The following SNX25 variants were observed in gnomAD, a reference collection of about 807,000 sequenced individuals.
SNX25 encodes sorting nexin-25.
SNX25 carries 62 observed loss-of-function variants against 113.7 expected under a neutral mutation model. The ratio of observed to expected loss-of-function variants is 0.55; its 90% CI spans 0.44 to 0.67. The LOEUF is 0.67. Ranked by LOEUF, SNX25 falls within the 30% of genes least tolerant of loss-of-function variation. SNX25 has a pLI of 0.00. For synonymous variants in SNX25, 421 were observed against 436.2 expected, an observed-to-expected ratio of 0.97 and a Z score of 0.43; for missense variants, 1,014 against 1,161.0, an observed-to-expected ratio of 0.87 and a Z score of 1.84.
chr4:185,303,284 A>C (rs1319354574), intron 6 of SNX25, among the ~76,000 whole-genome samples: 6 of 152,138 alleles, frequency 3.9e-5, no homozygotes, highest in Non-Finnish European at 5.9e-5. Flanking sequence ...TTTAATTGCT[A>C]TATTATTCCT....
intron 6 of SNX25, among the ~76,000 whole-genome samples, chr4:185,309,306 C>T (rs2126661215): frequency 1.3e-5 from 2 of 152,266 alleles, no homozygotes; most frequent in South Asian, 4.1e-4. Flanking sequence ...TATGATCTAG[C>T]CTTGGAAGTC....
intron 9 of SNX25, among the ~76,000 whole-genome samples, chr4:185,327,618 T>C (rs187205319): frequency 8.1e-4 from 124 of 152,294 alleles, no homozygotes; most frequent in Middle Eastern, 3.4e-3. Flanking sequence ...CCAGGCCTTA[T>C]CTGTTTTTGT....
intron 1 of SNX25, among the ~76,000 whole-genome samples, chr4:185,247,004 T>G (rs537485927): frequency 2.0e-5 from 3 of 152,344 alleles, no homozygotes; most frequent in Non-Finnish European, 4.4e-5. Flanking sequence ...GTTCTTAATT[T>G]GCACATATAT....
At chr4:185,233,157 G>A (rs1742111171) in intron 1 of SNX25, among the ~76,000 whole-genome samples, 1 of 152,028 alleles carries the variant, frequency 6.6e-6, no homozygotes, top group Non-Finnish European at 1.5e-5. Context: ...GGTGGCACAT[G>A]CCTGTAGTCC....
intron 5 of SNX25, among the ~76,000 whole-genome samples, chr4:185,268,781 CAT>C (rs1328809150): frequency 2.0e-5 from 3 of 152,102 alleles, no homozygotes; most frequent in Non-Finnish European, 2.9e-5. Flanking sequence ...TACATGGTGT[CAT>C]GTGTTAATCT....
intron 3 of SNX25, among the ~76,000 whole-genome samples, chr4:185,261,388 G>A (rs542668898): frequency 3.7e-4 from 57 of 152,160 alleles, no homozygotes; most frequent in Non-Finnish European, 7.8e-4. Flanking sequence ...TGTTGGCCAG[G>A]CTGGTCTCGA....
chr4:185,361,991 C>T lies in SNX25; in HGVS notation c.2719C>T (p.Arg907Trp), dbSNP rs376718955. 1.2e-5 allele frequency: 20 copies of T among 1,613,744 alleles called. No homozygotes were observed. The highest frequency in any genetic ancestry group is 6.7e-5 in the East Asian group (3 of 44,884). ...GTTGGTTTACTACATCAATATTTTCCGGGATGCTTTTTGGCCAAATGGGAA... is the reference window on the plus strand; with the variant it reads ...GTTGGTTTACTACATCAATATTTTCTGGGATGCTTTTTGGCCAAATGGGAA... ...QMLVYYINIF[R>W]DAFWPNGKLA... The change falls in exon 17 of 19, where the codon CGG becomes TGG. Residue 907 changes from arginine to tryptophan, a missense_variant. Transcript: ENST00000652585.
chr4:185,347,970 A>AT (rs1476293695), intron 13 of SNX25, among the ~76,000 whole-genome samples: 7 of 151,830 alleles, frequency 4.6e-5, no homozygotes, highest in Admixed American at 1.3e-4. Context: ...CCACTTTATC[A>AT]TTTTTTTTAT....
chr4:185,241,083 G>C (rs1172560319), intron 1 of SNX25, among the ~76,000 whole-genome samples: 1 of 151,678 alleles, frequency 6.6e-6, no homozygotes, highest in African/African-American at 2.4e-5. Context: ...GGTGGCGGCC[G>C]GGCAGAGGCT....
chr4:185,288,911 T>A (rs1177999692), intron 6 of SNX25, among the ~76,000 whole-genome samples: 1 of 152,116 alleles, frequency 6.6e-6, no homozygotes, highest in Non-Finnish European at 1.5e-5. Context: ...TGCTCAAGTC[T>A]CCGCCAAGGA....
At chr4:185,250,756 G>A (rs1745513148) in intron 2 of SNX25, among the ~76,000 whole-genome samples, 1 of 151,502 alleles carries the variant, frequency 6.6e-6, no homozygotes, top group Admixed American at 6.6e-5. Context: ...GGGTGGGATG[G>A]GGGTGTTATT....
intron 16 of SNX25, among the ~76,000 whole-genome samples, chr4:185,361,225 G>A (rs1342921987): frequency 6.6e-6 from 1 of 152,118 alleles, no homozygotes; most frequent in Non-Finnish European, 1.5e-5. Flanking sequence ...CTCCTCCTGC[G>A]GAACTTCAGG....
At chr4:185,315,001 G>A (rs1416043310) in intron 7 of SNX25, among the ~76,000 whole-genome samples, 1 of 151,626 alleles carries the variant, frequency 6.6e-6, no homozygotes, top group Non-Finnish European at 1.5e-5. Context: ...GGCCGAGGCG[G>A]GCGGATCACG....
At chr4:185,207,089 T>TC (rs1024385983), upstream of SNX25, among the ~76,000 whole-genome samples, 1 of 152,044 alleles carries the variant, frequency 6.6e-6, no homozygotes, top group African/African-American at 2.4e-5. Flanking sequence ...GGGTGGATCT[T>TC]CCCTACTCAA....
chr4:185,323,156 C>T (rs891734807), intron 8 of SNX25, among the ~76,000 whole-genome samples: 2 of 152,102 alleles, frequency 1.3e-5, no homozygotes, highest in African/African-American at 4.8e-5. Flanking sequence ...TGAGAAATGG[C>T]ACTTCTAGTT....
At chr4:185,368,060 G>C (rs2095396881), downstream of SNX25, among the ~76,000 whole-genome samples, 1 of 152,024 alleles carries the variant, frequency 6.6e-6, no homozygotes, top group South Asian at 2.1e-4. Flanking sequence ...CGCCTGTGGT[G>C]CCAGCTACTC....
chr4:185,204,402 CTAGT>C (rs1191084357), exon 1 of SNX25: 2 of 152,212 alleles, frequency 1.3e-5, no homozygotes, highest in African/African-American at 4.8e-5. Flanking sequence ...GTTCATACCA[CTAGT>C]TAGTTCTGTG....
intron 16 of SNX25, 62 bp from the exon 17 acceptor site, chr4:185,361,862 T>C (rs1426486140): frequency 9.1e-6 from 14 of 1,537,564 alleles, no homozygotes; most frequent in African/African-American, 4.1e-5. Flanking sequence ...GATAAGTGCC[T>C]TTTGAGAATA....
rs548242834 is a variant in SNX25 at position 185,259,914 on chromosome 4, C to T, written c.731+850C>T. Among the ~76,000 whole-genome samples the T allele has an allele frequency of 6.6e-5, 10 of 152,118 alleles. No individual in the cohort carries two copies. In the East Asian group the frequency reaches 1.9e-3, roughly 30 times the overall value. On this transcript the variant is annotated intron_variant, in intron 3 of 18. Coordinates refer to ENST00000652585, the MANE Select transcript of SNX25 (RefSeq NM_001378034.2). ...TGCGGCTGCACAGCAGGTCTCCATT[C>T]CCAGCTGTATTGCCCCTTCCTGGGA...
Sources: gnomAD v4.1 joint callset for allele counts (sites outside exome capture counted in the v4.1 genomes callset) on GRCh38, gnomAD v4.1.1 for gene constraint, MANE v1.5 for transcripts, NCBI Gene and HGNC (gene_info 2026-07-23, HGNC 2026-07-21) for gene names.